The following ZNF334 variants were observed in gnomAD, a reference collection of about 807,000 sequenced individuals.
The protein encoded by ZNF334 is zinc finger protein 334.
A neutral mutation model predicts 12.4 loss-of-function variants in ZNF334; 14 were observed. That is an observed-to-expected ratio of 1.13 (90% confidence interval 0.74 to 1.76). ZNF334 has a LOEUF of 1.76. Among genes scored for constraint, ZNF334 ranks in the 40% most tolerant of loss-of-function variants. The pLI, the probability that ZNF334 is intolerant of heterozygous loss-of-function variation, is 0.00. For synonymous variants in ZNF334, 273 were observed against 269.6 expected (o/e 1.01, Z -0.12); for missense variants, 797 against 804.5 (o/e 0.99, Z 0.11).
intron 3 of ZNF334, 104 bp from the exon 4 acceptor site, chr20:46,504,410 A>T: frequency 8.4e-7 from 1 of 1,189,232 alleles, no homozygotes; most frequent in South Asian, 1.4e-5. Context: ...GAAGATGCCC[A>T]GCAATAGCTC....
At chr20:46,511,997 T>C (rs1568882167) in intron 2 of ZNF334, 85 bp downstream of exon 2, 2 of 1,349,640 alleles carry the variant, frequency 1.5e-6, no homozygotes, top group East Asian at 2.3e-5. Context: ...TGCTGAATTT[T>C]ATACATTTCG....
chr20:46,474,362 AGAGT>A, the ZNF334 span: 1 of 148,718 alleles, frequency 6.7e-6, no homozygotes, highest in African/African-American at 2.6e-5. Context: ...CTGGGGCAAC[AGAGT>A]GAGACCGTAT....
chr20:46,468,542 C>G, the ZNF334 span, among the ~76,000 whole-genome samples: 1 of 152,062 alleles, frequency 6.6e-6, no homozygotes, highest in Non-Finnish European at 1.5e-5. Context: ...GCCTCAGCCT[C>G]CGTAAGTGTT....
rs760041239 is a variant in ZNF334, at chr20:46,502,454, G to A, written c.885C>T (p.Cys295=). The A allele has an allele frequency of 5.6e-6, 9 of 1,614,048 alleles. No homozygotes were observed. The highest frequency in any genetic ancestry group is 6.8e-6 in the Non-Finnish European group (8 of 1,179,988). Residue 295 remains cysteine (C), a synonymous_variant, in exon 5 of 5, where the codon TGC becomes TGT. Transcript: ENST00000692313. The stretch of plus-strand genomic sequence containing the variant: ...CAATGAAGGTTTTCCTGCATTCACT[G>A]CATTCATAGGGTCTCTCTCCAGTAT... ...RIHTGERPYE[C]SECRKTFIDK... is the part of the protein sequence containing the mutation.
chr20:46,495,782 C>T (rs190294078), downstream of ZNF334, among the ~76,000 whole-genome samples: 4 of 151,236 alleles, frequency 2.6e-5, no homozygotes, highest in East Asian at 7.7e-4. Flanking sequence ...GATTCAGGCC[C>T]AGACTCATCT....
At chr20:46,507,503 T>C (rs1440613290) in intron 2 of ZNF334, among the ~76,000 whole-genome samples, 1 of 152,244 alleles carries the variant, frequency 6.6e-6, no homozygotes, top group Non-Finnish European at 1.5e-5. Flanking sequence ...TTCCTGGTTC[T>C]GATCACTATA....
rs1241112525 is a variant in ZNF334, at chr20:46,501,417, C to T, written c.1922G>A (p.Trp641Ter). ...NQCGKTYRRL[W>*]TLTEHQKIHT... ...TATTTTCTGATGTTCAGTGAGAGTC[C>T]ACAGGCGACGGTAGGTTTTCCCACA... Residue 641 changes from tryptophan to a stop codon, truncating the protein, a stop_gained, in exon 5 of 5, where the codon TGG (tryptophan) becomes TAG (stop). Coordinates refer to ENST00000692313, the MANE Select transcript of ZNF334 (RefSeq NM_001353824.2). LOFTEE classifies it low-confidence loss of function (END_TRUNC). 2 of 1,613,472 alleles carry T rather than the reference C, an allele frequency of 1.2e-6. No individual in the cohort carries two copies. Among genetic ancestry groups the T allele is most frequent in the East Asian group, 2.2e-5 (1 of 44,796 alleles).
chr20:46,479,602 A>AT, the ZNF334 span, among the ~76,000 whole-genome samples: 1 of 152,136 alleles, frequency 6.6e-6, no homozygotes, highest in African/African-American at 2.4e-5. Context: ...AAATCAAAGT[A>AT]TTTTACCCCA....
At chr20:46,470,523 T>C in the ZNF334 span, among the ~76,000 whole-genome samples, 1 of 152,220 alleles carries the variant, frequency 6.6e-6, no homozygotes, top group Non-Finnish European at 1.5e-5. Context: ...TGGGAATCAC[T>C]GTAGCCATTT....
the ZNF334 span, among the ~76,000 whole-genome samples, chr20:46,483,374 T>A: frequency 6.6e-6 from 1 of 152,166 alleles, no homozygotes; most frequent in African/African-American, 2.4e-5. Context: ...TTTTTCTGTG[T>A]CCCTTTTATT....
chr20:46,478,682 T>C, the ZNF334 span, among the ~76,000 whole-genome samples: 3 of 152,178 alleles, frequency 2.0e-5, no homozygotes, highest in Admixed American at 6.5e-5. Context: ...GAGAGGTCCA[T>C]TGCAGTGGTT....
chr20:46,467,140 T>C, the ZNF334 span, among the ~76,000 whole-genome samples: 1 of 152,194 alleles, frequency 6.6e-6, no homozygotes, highest in Non-Finnish European at 1.5e-5. Flanking sequence ...GGTGAGATGT[T>C]AGGTACCCAT....
chr20:46,497,919 T>C (rs570648886), downstream of ZNF334, among the ~76,000 whole-genome samples: 1 of 152,258 alleles, frequency 6.6e-6, no homozygotes, highest in Non-Finnish European at 1.5e-5. Context: ...TACACATAGA[T>C]TCCGACCTAT....
rs1555854634 is a variant in ZNF334, at chr20:46,502,305, CCT to C, written c.1032_1033del (p.Lys347AlafsTer31). 134 of 1,614,036 alleles carry C rather than the reference CCT, an allele frequency of 8.3e-5. No homozygotes were observed. The highest frequency in any genetic ancestry group is 2.3e-4 in the Admixed American group (14 of 60,004). ...TTCCTTGCATTCGTAAGGCTTCTCC[CCT>C]GTGTGTGACCTGAAATGTTCAGCCA... On this transcript the variant is annotated frameshift_variant, in exon 5 of 5. Coordinates refer to ENST00000692313, the MANE Select transcript of ZNF334 (RefSeq NM_001353824.2). LOFTEE classifies it low-confidence loss of function (END_TRUNC).
At chr20:46,464,918 G>T in the ZNF334 span, 1 of 513,494 alleles carries the variant, frequency 1.9e-6, no homozygotes. Flanking sequence ...AGCAAGGGAT[G>T]ATTTTGTAGT....
chr20:46,500,265 T>G lies in ZNF334; in HGVS notation c.*1031A>C, dbSNP rs1192047356. 5 of 152,166 alleles carry G rather than the reference T, an allele frequency of 3.3e-5. No individual in the cohort carries two copies. The highest frequency in any genetic ancestry group is 5.9e-5 in the Non-Finnish European group (4 of 68,030). The allele number at this position is 152,166 out of a possible 1,614,324, so 9.4% of individuals were successfully genotyped here. A position where few individuals can be genotyped will look rare whatever the true frequency, so the allele number is the denominator to read the frequency against. ...ATGGGTATAGGGAAAATCCCACTCA[T>G]GGAAATCAGAACTTGAAAGGTAAAC... On this transcript the variant is annotated 3_prime_UTR_variant, in exon 5 of 5. Coordinates refer to ENST00000692313, the MANE Select transcript of ZNF334 (RefSeq NM_001353824.2).
At chr20:46,487,164 T>C in the ZNF334 span, among the ~76,000 whole-genome samples, 1 of 152,192 alleles carries the variant, frequency 6.6e-6, no homozygotes, top group Non-Finnish European at 1.5e-5. Context: ...ATTGTCTTTT[T>C]GTTGTTGTTT....
At position 46,506,406 on chromosome 20, in the gene ZNF334, G is replaced by A. The variant is rs535892359; in HGVS notation, c.22-1666C>T. ...TCTGAGAGGTTGAGGTAGGCTGATCGCTGGAGCTCAGAAGCTCAAGATCAG... is the reference window on the plus strand; with the variant it reads ...TCTGAGAGGTTGAGGTAGGCTGATCACTGGAGCTCAGAAGCTCAAGATCAG... On this transcript the variant is annotated intron_variant, in intron 2 of 4. Transcript: ENST00000692313. 267 of 486,398 alleles carry A rather than the reference G, an allele frequency of 5.5e-4. 1 individual carries two copies. The highest frequency in any genetic ancestry group is 3.6e-3 in the South Asian group (105 of 29,104). The allele number at this position is 486,398 out of a possible 1,614,324, so 30.1% of individuals were successfully genotyped here.
At chr20:46,497,464 C>G (rs1274044109), downstream of ZNF334, among the ~76,000 whole-genome samples, 1 of 152,152 alleles carries the variant, frequency 6.6e-6, no homozygotes, top group Non-Finnish European at 1.5e-5. Flanking sequence ...AAAGAATAAG[C>G]TATCTTTTAA....
Sources: allele counts gnomAD v4.1 joint callset (sites outside exome capture counted in the v4.1 genomes callset), GRCh38; gene constraint gnomAD v4.1.1; transcripts MANE v1.5; gene names NCBI Gene and HGNC (gene_info 2026-07-23, HGNC 2026-07-21).